KCNJ1: variants seen among roughly 807,000 people sequenced by gnomAD.
KCNJ1 encodes ATP-sensitive inward rectifier potassium channel 1.
A neutral mutation model predicts 21.9 loss-of-function variants in KCNJ1; 24 were observed. The observed-to-expected ratio is 1.10, with a 90% CI of 0.79 to 1.54. KCNJ1 has a LOEUF of 1.54. Ranked by LOEUF, KCNJ1 falls within the 40% of genes most tolerant of loss-of-function variation. The probability of loss-of-function intolerance (pLI) is 0.00; values close to 1 mark genes in which losing one functional copy is unlikely to be tolerated. For synonymous variants in KCNJ1, 152 were observed against 160.9 expected, an observed-to-expected ratio of 0.94 and a Z score of 0.42; for missense variants, 457 against 455.4, an observed-to-expected ratio of 1.00 and a Z score of -0.03.
In KCNJ1 at chr11:128,842,318, C is replaced by T. The variant is rs1943296059; in HGVS notation, c.-21-2054G>A. On this transcript the variant is annotated intron_variant, in intron 2 of 2. Coordinates refer to ENST00000392666, the MANE Select transcript of KCNJ1 (RefSeq NM_153766.3). ...GAATAACGTTGAGTTTCCATGACTGCATTAATGATGAAACATTATCTGCCT... is the reference window on the plus strand; with the variant it reads ...GAATAACGTTGAGTTTCCATGACTGTATTAATGATGAAACATTATCTGCCT... 6.4e-6 allele frequency: 10 copies of T among 1,551,032 alleles called. No individual in the cohort carries two copies. In the Admixed American group the frequency reaches 1.3e-4, roughly 21 times the overall value.
intron 1 of KCNJ1, among the ~76,000 whole-genome samples, chr11:128,862,553 G>A (rs75359500): frequency 0.027 from 4,115 of 152,284 alleles, 185 homozygotes; most frequent in African/African-American, 0.093. Context: ...GAGCCTGGTT[G>A]GTAGGTTAGA....
At chr11:128,851,626 G>A (rs758687642) in intron 1 of KCNJ1, among the ~76,000 whole-genome samples, 1 of 152,188 alleles carries the variant, frequency 6.6e-6, no homozygotes, top group Non-Finnish European at 1.5e-5. Context: ...TTCTAGTTCT[G>A]TGTGGTTTGG....
At chr11:128,848,152 G>A (rs1379248159) in intron 2 of KCNJ1, among the ~76,000 whole-genome samples, 2 of 152,042 alleles carry the variant, frequency 1.3e-5, no homozygotes, top group Non-Finnish European at 2.9e-5. Flanking sequence ...GCCGGGCGTG[G>A]TGGCGGGCGC....
At chr11:128,847,836 A>G (rs1943407034) in intron 2 of KCNJ1, among the ~76,000 whole-genome samples, 1 of 151,908 alleles carries the variant, frequency 6.6e-6, no homozygotes, top group South Asian at 2.1e-4. Context: ...TCCTGTATGT[A>G]TTTTCTTTTT....
chr11:128,867,209 T>C lies in KCNJ1; in HGVS notation c.-228A>G, dbSNP rs1943834383. 1 of 152,098 alleles carries C rather than the reference T, an allele frequency of 6.6e-6. No individual in the cohort carries two copies. The highest frequency in any genetic ancestry group is 1.5e-5 in the Non-Finnish European group (1 of 68,022). 9.4% of individuals were successfully genotyped at this position (152,098 alleles called of 1,614,324 possible). On this transcript the variant is annotated 5_prime_UTR_variant, in exon 1 of 3. Transcript: ENST00000392666. ...CTGGAGTAAATGTAGAAACAAAAAC[T>C]CATTTTCTTGGTCTCCAAGAAAGCA...
intron 1 of KCNJ1, among the ~76,000 whole-genome samples, chr11:128,851,738 T>C (rs768748129): frequency 1.7e-4 from 26 of 152,208 alleles, no homozygotes; most frequent in Non-Finnish European, 3.8e-4. Flanking sequence ...AACAAGAATG[T>C]ACACTTTGTT....
intron 2 of KCNJ1, among the ~76,000 whole-genome samples, chr11:128,846,140 C>A (rs1012771472): frequency 6.6e-6 from 1 of 152,100 alleles, no homozygotes. Flanking sequence ...ATGGCAGAGT[C>A]GACGGGCTTC....
At chr11:128,849,381 G>A (rs1233360832) in intron 2 of KCNJ1, among the ~76,000 whole-genome samples, 1 of 152,228 alleles carries the variant, frequency 6.6e-6, no homozygotes, top group Admixed American at 6.5e-5. Flanking sequence ...TCCTTGCTTT[G>A]TGTGAGTGAT....
At chr11:128,864,988 A>T (rs1310374184) in intron 1 of KCNJ1, among the ~76,000 whole-genome samples, 1 of 151,984 alleles carries the variant, frequency 6.6e-6, no homozygotes, top group African/African-American at 2.4e-5. Flanking sequence ...TCAGCATCAC[A>T]TACTAGGTCC....
intron 1 of KCNJ1, among the ~76,000 whole-genome samples, chr11:128,855,935 G>C (rs1318163931): frequency 6.6e-6 from 1 of 152,230 alleles, no homozygotes; most frequent in African/African-American, 2.4e-5. Flanking sequence ...CGGTACCACT[G>C]TGCCTGTGTG....
chr11:128,861,271 G>A (rs925164440), intron 1 of KCNJ1, among the ~76,000 whole-genome samples: 4 of 152,244 alleles, frequency 2.6e-5, no homozygotes, highest in Admixed American at 2.0e-4. Flanking sequence ...GGTGCTGACT[G>A]AGCAACTGAA....
intron 2 of KCNJ1, among the ~76,000 whole-genome samples, chr11:128,847,225 C>T (rs1180279704): frequency 1.3e-5 from 2 of 152,224 alleles, no homozygotes; most frequent in Non-Finnish European, 2.9e-5. Flanking sequence ...TTCCAAAACC[C>T]TCTCAGTGAG....
At chr11:128,855,723 G>C (rs1382553376) in intron 1 of KCNJ1, among the ~76,000 whole-genome samples, 1 of 152,212 alleles carries the variant, frequency 6.6e-6, no homozygotes, top group East Asian at 1.9e-4. Flanking sequence ...ATAGGATTAA[G>C]TGTGGGAAGG....
At chr11:128,861,847 C>T (rs1444358374) in intron 1 of KCNJ1, among the ~76,000 whole-genome samples, 4 of 152,192 alleles carry the variant, frequency 2.6e-5, no homozygotes, top group African/African-American at 7.2e-5. Flanking sequence ...TGATCTCCAA[C>T]CCACATCCTA....
At chr11:128,853,874 A>G (rs1943525175) in intron 1 of KCNJ1, among the ~76,000 whole-genome samples, 1 of 152,194 alleles carries the variant, frequency 6.6e-6, no homozygotes, top group Admixed American at 6.5e-5. Flanking sequence ...CTGCCACAAG[A>G]GCTTGGAGTA....
intron 1 of KCNJ1, among the ~76,000 whole-genome samples, chr11:128,859,306 G>A (rs908331442): frequency 6.6e-6 from 1 of 152,200 alleles, no homozygotes; most frequent in Admixed American, 6.5e-5. Context: ...CCAGGCTGGA[G>A]TGCAGTGGCA....
intron 1 of KCNJ1, among the ~76,000 whole-genome samples, chr11:128,851,439 G>A (rs1157625729): frequency 6.6e-6 from 1 of 152,190 alleles, no homozygotes; most frequent in African/African-American, 2.4e-5. Context: ...TATCCTGTGT[G>A]TGTGTTGAGG....
At position 128,839,245 on chromosome 11, in the gene KCNJ1, G is replaced by T. The variant is rs1056627192; in HGVS notation, c.999C>A (p.Thr333=). ...HNFSKTVEVE[T]PHCAMCLYNE... is the part of the protein sequence containing the mutation. ...TATAAAGGCACATGGCACAGTGAGGGGTCTCCACTTCCACTGTCTTGCTAA... is the reference window on the plus strand; with the variant it reads ...TATAAAGGCACATGGCACAGTGAGGTGTCTCCACTTCCACTGTCTTGCTAA... The change falls in exon 3 of 3, where the codon ACC becomes ACA. Residue 333 remains threonine (T), a synonymous_variant. Transcript: ENST00000392666. 12 of 1,613,962 alleles carry T rather than the reference G, an allele frequency of 7.4e-6. No individual in the cohort carries two copies. The highest frequency in any genetic ancestry group is 1.0e-5 in the Non-Finnish European group (12 of 1,180,008).
At chr11:128,853,011 G>C (rs1447911496) in intron 1 of KCNJ1, among the ~76,000 whole-genome samples, 3 of 152,236 alleles carry the variant, frequency 2.0e-5, no homozygotes. Context: ...TAATGACCTG[G>C]AAAAGGTAAA....
Sources: allele counts gnomAD v4.1 joint callset (sites outside exome capture counted in the v4.1 genomes callset), GRCh38; gene constraint gnomAD v4.1.1; transcripts MANE v1.5; gene names NCBI Gene and HGNC (gene_info 2026-07-23, HGNC 2026-07-21).